Variants in ZFHX3 observed in about 807,000 individuals in gnomAD.
ZFHX3 encodes the protein zinc finger homeobox 3, also known as zinc finger homeobox protein 3.
A neutral mutation model predicts 279.1 loss-of-function variants in ZFHX3; 42 were observed. That is an observed-to-expected ratio of 0.15 (90% CI 0.12 to 0.19). The LOEUF (loss-of-function observed/expected upper bound fraction) is 0.19. Ranked by LOEUF, ZFHX3 falls within the 10% of genes least tolerant of loss-of-function variation. The pLI is 1.00. For missense variants in ZFHX3, 4,981 were observed against 4,754.0 expected, an observed-to-expected ratio of 1.05 and a Z score of -1.40; for synonymous variants, 2,293 against 1,957.8, an observed-to-expected ratio of 1.17 and a Z score of -4.52.
chr16:72,899,612 G>A (rs2038982614), intron 3 of ZFHX3, among the ~76,000 whole-genome samples: 1 of 152,100 alleles, frequency 6.6e-6, no homozygotes. Flanking sequence ...TGCCAATAAT[G>A]ATGGTTTGTG....
At chr16:73,010,024 GAAAAAAAA>G (rs10709712) in intron 1 of ZFHX3, among the ~76,000 whole-genome samples, 5 of 84,656 alleles carry the variant, frequency 5.9e-5, no homozygotes, top group Non-Finnish European at 1.0e-4. Flanking sequence ...CCCTCTCAAA[GAAAAAAAA>G]AAAAAAAAAA....
At chr16:72,961,482 G>T (rs140295890) in intron 1 of ZFHX3, among the ~76,000 whole-genome samples, 1 of 152,100 alleles carries the variant, frequency 6.6e-6, no homozygotes. Flanking sequence ...TCCTTTGCCC[G>T]TAGGTCCCCA....
chr16:73,027,910 ACTC>A (rs1964567759), intron 1 of ZFHX3, among the ~76,000 whole-genome samples: 1 of 151,850 alleles, frequency 6.6e-6, no homozygotes, highest in Non-Finnish European at 1.5e-5. Context: ...GGTGCCTTGC[ACTC>A]CTCATCGCTC....
intron 5 of ZFHX3, among the ~76,000 whole-genome samples, chr16:73,246,552 C>T (rs2013285749): frequency 6.6e-6 from 1 of 152,142 alleles, no homozygotes; most frequent in Non-Finnish European, 1.5e-5. Flanking sequence ...ACCATAGCCT[C>T]ATAATGAAGG....
At chr16:73,761,182 C>A (rs1392129613) in intron 1 of ZFHX3, among the ~76,000 whole-genome samples, 1 of 151,912 alleles carries the variant, frequency 6.6e-6, no homozygotes, top group East Asian at 1.9e-4. Context: ...CATTCCTATA[C>A]ATCAACAACA....
At chr16:73,887,068 T>C (rs1007896525) in intron 1 of ZFHX3, among the ~76,000 whole-genome samples, 1 of 152,206 alleles carries the variant, frequency 6.6e-6, no homozygotes, top group African/African-American at 2.4e-5. Flanking sequence ...GAGTTGTTTG[T>C]TTCACTCACT....
chr16:73,818,211 A>G (rs1960632653), intron 1 of ZFHX3, among the ~76,000 whole-genome samples: 1 of 152,208 alleles, frequency 6.6e-6, no homozygotes, highest in African/African-American at 2.4e-5. Context: ...GCAACTGTTT[A>G]TAGTATGACA....
At chr16:73,307,766 G>A (rs1370180863) in intron 4 of ZFHX3, among the ~76,000 whole-genome samples, 1 of 152,128 alleles carries the variant, frequency 6.6e-6, no homozygotes, top group Non-Finnish European at 1.5e-5. Flanking sequence ...ATACCCACGA[G>A]GTGATGATAA....
chr16:72,923,126 G>A (rs1184328268), intron 3 of ZFHX3, among the ~76,000 whole-genome samples: 3 of 152,044 alleles, frequency 2.0e-5, no homozygotes, highest in African/African-American at 7.3e-5. Context: ...GCATCTATCT[G>A]TCTACAACAA....
chr16:73,307,971 C>A (rs937446433), intron 4 of ZFHX3, among the ~76,000 whole-genome samples: 22 of 151,836 alleles, frequency 1.4e-4, no homozygotes, highest in Non-Finnish European at 2.5e-4. Context: ...GCACTCACCC[C>A]CAAATTTGCC....
chr16:72,889,636 A>T, intron 4 of ZFHX3, 95 bp downstream of exon 4: 2 of 1,176,822 alleles, frequency 1.7e-6, no homozygotes, highest in South Asian at 3.0e-5. Context: ...CAGCTGGATC[A>T]GTAACGTCTC....
chr16:72,835,614 G>A (rs1001986657), intron 4 of ZFHX3, among the ~76,000 whole-genome samples: 18 of 152,230 alleles, frequency 1.2e-4, no homozygotes, highest in Admixed American at 9.2e-4. Context: ...ACTGAAGCAG[G>A]TGGGAAAGGC....
At chr16:73,831,058 C>A (rs993631603) in intron 1 of ZFHX3, among the ~76,000 whole-genome samples, 2 of 152,164 alleles carry the variant, frequency 1.3e-5, no homozygotes, top group Admixed American at 1.3e-4. Flanking sequence ...TAGACACATT[C>A]AAAAGACCAA....
At chr16:73,599,412 T>C (rs567541398) in intron 2 of ZFHX3, among the ~76,000 whole-genome samples, 2 of 152,364 alleles carry the variant, frequency 1.3e-5, no homozygotes, top group South Asian at 4.1e-4. Flanking sequence ...AATGAAAACG[T>C]GGAGCCCCTT....
At chr16:72,916,781 T>C (rs1382957766) in intron 3 of ZFHX3, among the ~76,000 whole-genome samples, 1 of 152,028 alleles carries the variant, frequency 6.6e-6, no homozygotes, top group Non-Finnish European at 1.5e-5. Flanking sequence ...CAGGGACAGA[T>C]AATTGAGAAA....
At chr16:73,026,192 C>CAAAAAA (rs60146795) in intron 1 of ZFHX3, among the ~76,000 whole-genome samples, 6 of 47,484 alleles carry the variant, frequency 1.3e-4, no homozygotes, top group Non-Finnish European at 1.9e-4. Flanking sequence ...ACAAAAAATA[C>CAAAAAA]AAAAAAAAAA....
intron 1 of ZFHX3, among the ~76,000 whole-genome samples, chr16:73,736,331 C>T (rs188570164): frequency 4.6e-5 from 7 of 152,242 alleles, no homozygotes; most frequent in Middle Eastern, 3.4e-3. Flanking sequence ...CTTCCAGCTC[C>T]CACAATCATG....
intron 1 of ZFHX3, among the ~76,000 whole-genome samples, chr16:73,880,185 C>T (rs1332258226): frequency 1.3e-5 from 2 of 151,984 alleles, no homozygotes; most frequent in Non-Finnish European, 2.9e-5. Flanking sequence ...CATGGAAGGT[C>T]GCTGTCAGAT....
In ZFHX3 at chr16:73,347,054, G is replaced by C. The variant is rs1221576898; in HGVS notation, c.-1290-28718C>G. 2.6e-5 allele frequency among the ~76,000 whole-genome samples: 4 copies of C among 152,316 alleles called. No homozygotes were observed. In the East Asian group the frequency reaches 5.8e-4, roughly 22 times the overall value. On this transcript the variant is annotated intron_variant, in intron 3 of 17. Coordinates refer to the ZFHX3 transcript ENST00000641206. ...ACCAGCAAGGATCCTGGAACTGCTA[G>C]GTGCCTGAACCCAGATTCAAATCTA...
Sources: allele counts gnomAD v4.1 joint callset (sites outside exome capture counted in the v4.1 genomes callset), GRCh38; gene constraint gnomAD v4.1.1; transcripts MANE v1.5; gene names NCBI Gene and HGNC (gene_info 2026-07-23, HGNC 2026-07-21).